RNF141: variants seen among roughly 807,000 people sequenced by gnomAD.
The protein encoded by RNF141 is ring finger protein 141.
A neutral mutation model predicts 27.4 loss-of-function variants in RNF141; 18 were observed. The observed-to-expected ratio is 0.66, with a 90% CI of 0.45 to 0.97. The LOEUF (loss-of-function observed/expected upper bound fraction) is 0.97, where lower values mean the gene tolerates loss of function less well. RNF141 is among the 50% of genes least tolerant of loss of function. RNF141 has a pLI of 0.00. For synonymous variants in RNF141, 97 were observed against 96.6 expected (o/e 1.00, Z -0.02); for missense variants, 230 against 279.4 (o/e 0.82, Z 1.26).
intron 2 of RNF141, among the ~76,000 whole-genome samples, chr11:10,532,514 C>T (rs1439409765): frequency 7.0e-6 from 1 of 142,516 alleles, no homozygotes; most frequent in Middle Eastern, 3.2e-3. Context: ...CACACACACA[C>T]ACACACACAC....
chr11:10,524,142 T>C (rs941526527), intron 4 of RNF141, among the ~76,000 whole-genome samples: 1 of 151,874 alleles, frequency 6.6e-6, no homozygotes, highest in Non-Finnish European at 1.5e-5. Flanking sequence ...TGGCCGGGCA[T>C]GGTGGCTCAT....
At chr11:10,520,327 CTATTTT>C (rs1849878592) in intron 4 of RNF141, among the ~76,000 whole-genome samples, 1 of 152,088 alleles carries the variant, frequency 6.6e-6, no homozygotes. Flanking sequence ...AAGCTTTTTT[CTATTTT>C]TAAGATTTAT....
chr11:10,522,939 A>G (rs943344403), intron 4 of RNF141, among the ~76,000 whole-genome samples: 6 of 152,354 alleles, frequency 3.9e-5, no homozygotes, highest in Admixed American at 1.3e-4. Flanking sequence ...ATTTGAACAC[A>G]GGCAACTTGC....
chr11:10,533,136 T>A (rs1850002919), intron 2 of RNF141, among the ~76,000 whole-genome samples: 1 of 152,202 alleles, frequency 6.6e-6, no homozygotes, highest in African/African-American at 2.4e-5. Flanking sequence ...TAAAGGTAGA[T>A]GTGGATGTTG....
At chr11:10,524,114 TA>T (rs996938897) in intron 4 of RNF141, among the ~76,000 whole-genome samples, 1 of 150,712 alleles carries the variant, frequency 6.6e-6, no homozygotes, top group Non-Finnish European at 1.5e-5. Flanking sequence ...AATAGAGCAG[TA>T]AAAAAAAAGA....
At chr11:10,531,628 T>G (rs1433040498) in intron 2 of RNF141, among the ~76,000 whole-genome samples, 2 of 152,202 alleles carry the variant, frequency 1.3e-5, no homozygotes, top group Non-Finnish European at 2.9e-5. Flanking sequence ...AGCTAAAGGA[T>G]TTAAACATAA....
chr11:10,535,046 C>G (rs1850022231), intron 1 of RNF141, among the ~76,000 whole-genome samples: 1 of 145,446 alleles, frequency 6.9e-6, no homozygotes. Context: ...TTAAATGCCC[C>G]CAAAATCAGA....
At position 10,519,047 on chromosome 11, in the gene RNF141, A is replaced by G; in HGVS notation, c.529T>C (p.Cys177Arg). Reference protein sequence around the residue: ...LPCAHSFCQKCIDKWSDRHRN... With the variant: ...LPCAHSFCQKRIDKWSDRHRN... ...TAGGTAACTTACCATTTATCAATAC[A>G]CTTCTGACAAAAGCTGTGAGCACAA... is the stretch of plus-strand genomic sequence containing the variant. Residue 177 changes from cysteine (C) to arginine (R), a missense_variant, in exon 5 of 6, where the codon TGT becomes CGT. Coordinates refer to ENST00000265981, the MANE Select transcript of RNF141 (RefSeq NM_016422.4). The G allele has an allele frequency of 6.2e-7, 1 of 1,613,664 alleles. No individual in the cohort carries two copies. Among genetic ancestry groups the G allele is most frequent in the South Asian group, 1.1e-5 (1 of 91,058 alleles).
chr11:10,537,399 G>A (rs1350650736), intron 1 of RNF141, among the ~76,000 whole-genome samples: 1 of 152,034 alleles, frequency 6.6e-6, no homozygotes, highest in Non-Finnish European at 1.5e-5. Flanking sequence ...TAGTCAACCA[G>A]GCTGAAAACT....
chr11:10,533,710 G>C (rs1216871095), intron 2 of RNF141, among the ~76,000 whole-genome samples: 4 of 151,976 alleles, frequency 2.6e-5, no homozygotes, highest in African/African-American at 9.7e-5. Context: ...TTTCAAACAA[G>C]AGTCTATTGG....
chr11:10,535,295 A>G (rs1020294673), intron 1 of RNF141, among the ~76,000 whole-genome samples: 3 of 151,688 alleles, frequency 2.0e-5, no homozygotes, highest in African/African-American at 7.2e-5. Flanking sequence ...TTAAAATTTA[A>G]TGTACTGTAT....
rs542964830 is a variant in RNF141 at position 10,527,950 on chromosome 11, A to G, written c.253-2577T>C. Among the ~76,000 whole-genome samples the G allele has an allele frequency of 2.0e-5, 3 of 152,340 alleles. No individual in the cohort carries two copies. The East Asian group carries it at 5.8e-4, about 29-fold the overall frequency. ...TGTGAGAGACAAAGAAAAGCCAAGAATGACTCTAAGAAGTTGGTCTAAGAA... is the reference window on the plus strand; with the variant it reads ...TGTGAGAGACAAAGAAAAGCCAAGAGTGACTCTAAGAAGTTGGTCTAAGAA... On this transcript the variant is annotated intron_variant, in intron 3 of 5. Transcript: ENST00000265981.
intron 2 of RNF141, among the ~76,000 whole-genome samples, chr11:10,533,544 T>TAC (rs1483795632): frequency 2.0e-5 from 3 of 151,338 alleles, no homozygotes; most frequent in Non-Finnish European, 4.4e-5. Flanking sequence ...AAAAAAAGTA[T>TAC]ATATATATAT....
At chr11:10,530,119 A>G (rs1849972785) in intron 3 of RNF141, among the ~76,000 whole-genome samples, 1 of 152,158 alleles carries the variant, frequency 6.6e-6, no homozygotes, top group Non-Finnish European at 1.5e-5. Flanking sequence ...TAGCCTCAAA[A>G]AGTTAAGAAC....
At chr11:10,523,015 G>A (rs1253489720) in intron 4 of RNF141, among the ~76,000 whole-genome samples, 1 of 152,170 alleles carries the variant, frequency 6.6e-6, no homozygotes, top group African/African-American at 2.4e-5. Context: ...TGAAGCAATA[G>A]GAAAAACTTC....
At position 10,524,097 on chromosome 11, in the gene RNF141, A is replaced by C. The variant is rs1849910982; in HGVS notation, c.434+1095T>G. Among the ~76,000 whole-genome samples, 5 of 152,184 alleles carry C rather than the reference A, an allele frequency of 3.3e-5. No homozygotes were observed. In the South Asian group the frequency reaches 1.0e-3, roughly 31 times the overall value. ...TGGTTAAGAATGAACCAGAAAATGC[A>C]ACTGTAAATAGAGCAGTAAAAAAAA... On this transcript the variant is annotated intron_variant, in intron 4 of 5. Transcript: ENST00000265981.
In RNF141 at chr11:10,534,072, C is replaced by G. The variant is rs200958771; in HGVS notation, c.87G>C (p.Glu29Asp). 3 of 1,613,670 alleles carry G rather than the reference C, an allele frequency of 1.9e-6. No homozygotes were observed. The East Asian group carries it at 6.7e-5, about 36-fold the overall frequency. The change falls in exon 2 of 6, where the codon GAG becomes GAC. Residue 29 changes from glutamate to aspartate, a missense_variant. Physicochemically the swap from Glu to Asp is conservative, Grantham distance 45. Coordinates refer to ENST00000265981, the MANE Select transcript of RNF141 (RefSeq NM_016422.4). Reference protein sequence around the residue: ...KVAKHVTLVRESGSLTYEEFL... With the variant: ...KVAKHVTLVRDSGSLTYEEFL... Reference sequence around the variant, plus strand: ...ATTCTTCATAAGTTAAGGAGCCACTCTCTCGAACCAACGTAACATGTTTTG... The same window carrying G: ...ATTCTTCATAAGTTAAGGAGCCACTGTCTCGAACCAACGTAACATGTTTTG...
At chr11:10,532,991 G>A (rs1022420063) in intron 2 of RNF141, among the ~76,000 whole-genome samples, 1 of 152,152 alleles carries the variant, frequency 6.6e-6, no homozygotes. Flanking sequence ...CTTAGCAGAG[G>A]GCCTTGCACA....
Position 10,536,758 on chromosome 11 carries a change from G to A in RNF141, c.-47-2553C>T, listed in dbSNP as rs1430064435. 2.6e-5 allele frequency among the ~76,000 whole-genome samples: 4 copies of A among 152,140 alleles called. No homozygotes were observed. The South Asian group carries it at 6.2e-4, about 24-fold the overall frequency. Reference sequence around the variant, plus strand: ...ATTACAGGCATGAGCTGCCGCACCCGGCCAAGTCTGGGGTTTTTAATCAAA... The same window carrying A: ...ATTACAGGCATGAGCTGCCGCACCCAGCCAAGTCTGGGGTTTTTAATCAAA... On this transcript the variant is annotated intron_variant, in intron 1 of 5. Coordinates refer to ENST00000265981, the MANE Select transcript of RNF141 (RefSeq NM_016422.4).
Sources: gnomAD v4.1 joint callset for allele counts (sites outside exome capture counted in the v4.1 genomes callset) on GRCh38, gnomAD v4.1.1 for gene constraint, MANE v1.5 for transcripts, NCBI Gene and HGNC (gene_info 2026-07-23, HGNC 2026-07-21) for gene names.